ZEB1: variants seen among roughly 807,000 people sequenced by gnomAD.
The protein encoded by ZEB1 is zinc finger E-box binding homeobox 1, also known as zinc finger E-box-binding homeobox 1.
A neutral mutation model predicts 84.9 loss-of-function variants in ZEB1; 21 were observed. The ratio of observed to expected loss-of-function variants is 0.25; its 90% CI spans 0.18 to 0.36. The LOEUF (loss-of-function observed/expected upper bound fraction) is 0.36, where lower values mean the gene tolerates loss of function less well. ZEB1 is among the 10% of genes least tolerant of loss of function. ZEB1 has a pLI of 1.00. For synonymous variants in ZEB1, 420 were observed against 471.1 expected (o/e 0.89, Z 1.41); for missense variants, 1,104 against 1,330.2 (o/e 0.83, Z 2.65).
In ZEB1 at chr10:31,502,437, G is replaced by A. The variant is rs1428046603; in HGVS notation, c.412G>A (p.Val138Ile). 1 of 1,613,896 alleles carries A rather than the reference G, an allele frequency of 6.2e-7. No individual in the cohort carries two copies. Among genetic ancestry groups the A allele is most frequent in the South Asian group, 1.1e-5 (1 of 91,070 alleles). ...GTTTCTACAACAACAAGACACTGCT[G>A]TCATTTTTCCTGAGGCACCTGAAGA... ...EEFLQQQDTA[V>I]IFPEAPEEDQ... Residue 138 changes from valine to isoleucine, a missense_variant, in exon 4 of 9, where the codon GTC becomes ATC. By Grantham distance (29) the Val-to-Ile change is conservative (BLOSUM62 3). This residue lies in a region of ZEB1 where 162 missense variants were observed against 184.5 expected (regional missense o/e 0.88). Transcript: ENST00000424869.
intron 2 of ZEB1, among the ~76,000 whole-genome samples, chr10:31,491,753 A>C (rs1467165907): frequency 4.0e-5 from 6 of 151,896 alleles, no homozygotes; most frequent in African/African-American, 1.4e-4. Flanking sequence ...TCTCCATATT[A>C]ACTGGATCTG....
At chr10:31,525,442 T>G (rs2073242008) in intron 8 of ZEB1, among the ~76,000 whole-genome samples, 1 of 152,188 alleles carries the variant, frequency 6.6e-6, no homozygotes, top group South Asian at 2.1e-4. Flanking sequence ...AGCTTGAATG[T>G]GATGTCAGCT....
chr10:31,495,940 C>CT, intron 3 of ZEB1, 102 bp downstream of exon 3: 1 of 1,246,852 alleles, frequency 8.0e-7, no homozygotes, highest in Non-Finnish European at 1.2e-6. Context: ...GTTTCCTTCT[C>CT]TTTTATCTTA....
chr10:31,443,320 G>C (rs2059275920), intron 1 of ZEB1, among the ~76,000 whole-genome samples: 1 of 151,226 alleles, frequency 6.6e-6, no homozygotes, highest in Admixed American at 6.6e-5. Context: ...CTTTTGACTT[G>C]ATTTTTTTCT....
intron 2 of ZEB1, among the ~76,000 whole-genome samples, chr10:31,477,322 AG>A (rs1383221830): frequency 6.6e-6 from 1 of 152,018 alleles, no homozygotes; most frequent in Non-Finnish European, 1.5e-5. Context: ...TAAAATAACT[AG>A]GAATACATTG....
chr10:31,341,934 T>C (rs1390066307), intron 1 of ZEB1, among the ~76,000 whole-genome samples: 2 of 152,234 alleles, frequency 1.3e-5, no homozygotes, highest in African/African-American at 4.8e-5. Context: ...ATTGAGGTTT[T>C]ACCAGATGGT....
chr10:31,369,658 A>G (rs1465551010), intron 1 of ZEB1, among the ~76,000 whole-genome samples: 1 of 152,244 alleles, frequency 6.6e-6, no homozygotes, highest in Non-Finnish European at 1.5e-5. Context: ...GCAACAATGA[A>G]CATAGGAGTG....
chr10:31,341,455 T>C (rs2039350294), intron 1 of ZEB1, among the ~76,000 whole-genome samples: 1 of 152,124 alleles, frequency 6.6e-6, no homozygotes, highest in African/African-American at 2.4e-5. Flanking sequence ...AGTGAATATA[T>C]GAATAATCAG....
chr10:31,442,076 A>G (rs1431055947), intron 1 of ZEB1, among the ~76,000 whole-genome samples: 1 of 152,234 alleles, frequency 6.6e-6, no homozygotes, highest in Admixed American at 6.5e-5. Flanking sequence ...CCAAAGGATT[A>G]TAAATCATGC....
At chr10:31,441,027 G>C (rs2058895208) in intron 1 of ZEB1, among the ~76,000 whole-genome samples, 1 of 152,060 alleles carries the variant, frequency 6.6e-6, no homozygotes, top group Non-Finnish European at 1.5e-5. Flanking sequence ...AGCTACCAAT[G>C]ACTTTCTTCA....
intron 1 of ZEB1, among the ~76,000 whole-genome samples, chr10:31,383,624 C>T (rs1183979108): frequency 6.6e-6 from 1 of 152,056 alleles, no homozygotes; most frequent in Non-Finnish European, 1.5e-5. Context: ...GTATGGTAGC[C>T]ACCAGCCTGA....
chr10:31,321,727 T>C (rs1023765522), intron 1 of ZEB1: 7 of 736,358 alleles, frequency 9.5e-6, no homozygotes, highest in African/African-American at 5.2e-5. Context: ...TCCTGTGATA[T>C]GAATATTACA....
At chr10:31,466,781 A>C (rs549277248) in intron 2 of ZEB1, among the ~76,000 whole-genome samples, 1 of 152,234 alleles carries the variant, frequency 6.6e-6, no homozygotes, top group Admixed American at 6.5e-5. Flanking sequence ...AAATGAAATA[A>C]AGAGTAGAAA....
At chr10:31,504,641 T>C (rs1168776432) in intron 4 of ZEB1, among the ~76,000 whole-genome samples, 1 of 152,134 alleles carries the variant, frequency 6.6e-6, no homozygotes, top group Admixed American at 6.5e-5. Context: ...CATCAATATT[T>C]TGTAGTTTTC....
At chr10:31,468,586 T>A (rs572179310) in intron 2 of ZEB1, among the ~76,000 whole-genome samples, 2 of 152,280 alleles carry the variant, frequency 1.3e-5, no homozygotes, top group South Asian at 4.1e-4. Flanking sequence ...ACAGTGAGCC[T>A]TACCACATAT....
intron 5 of ZEB1, among the ~76,000 whole-genome samples, chr10:31,513,300 C>A (rs2070440332): frequency 6.6e-6 from 1 of 152,046 alleles, no homozygotes. Flanking sequence ...AAGTTTAAGG[C>A]CTAAGCTATA....
intron 1 of ZEB1, among the ~76,000 whole-genome samples, chr10:31,344,419 G>T (rs141881516): frequency 1.7e-3 from 266 of 152,016 alleles, no homozygotes; most frequent in African/African-American, 6.3e-3. Flanking sequence ...AAGTATTTAA[G>T]ATTTAATGTC....
At chr10:31,504,117 T>C (rs1335483416) in intron 4 of ZEB1, among the ~76,000 whole-genome samples, 4 of 151,592 alleles carry the variant, frequency 2.6e-5, no homozygotes, top group Non-Finnish European at 2.9e-5. Context: ...CTTTCATTGA[T>C]CTTGAGTTGA....
intron 6 of ZEB1, among the ~76,000 whole-genome samples, chr10:31,518,123 A>G (rs957669149): frequency 2.6e-5 from 4 of 152,206 alleles, no homozygotes; most frequent in Non-Finnish European, 4.4e-5. Flanking sequence ...CAAGTAATTA[A>G]AAGTGTTAAA....
Sources: gnomAD v4.1 joint callset for allele counts (sites outside exome capture counted in the v4.1 genomes callset) on GRCh38, gnomAD v4.1.1 for gene constraint, gnomAD v4.1.1 regional missense constraint, MANE v1.5 for transcripts, NCBI Gene and HGNC (gene_info 2026-07-23, HGNC 2026-07-21) for gene names.